Variants in INPP4A observed in about 807,000 individuals in gnomAD.
The protein encoded by INPP4A is inositol polyphosphate-4-phosphatase type I A.
A neutral mutation model predicts 119.8 loss-of-function variants in INPP4A; 33 were observed. The ratio of observed to expected loss-of-function variants is 0.28; its 90% CI spans 0.21 to 0.37. INPP4A has a LOEUF of 0.37. INPP4A is among the 10% of genes least tolerant of loss of function. The pLI is 1.00. For missense variants in INPP4A, 956 were observed against 1,289.9 expected, an observed-to-expected ratio of 0.74 and a Z score of 3.97; for synonymous variants, 496 against 500.7, an observed-to-expected ratio of 0.99 and a Z score of 0.12.
intron 3 of INPP4A, among the ~76,000 whole-genome samples, 155 bp from the exon 4 acceptor site, chr2:98,520,532 A>G (rs1686989069): frequency 6.6e-6 from 1 of 152,082 alleles, no homozygotes; most frequent in Non-Finnish European, 1.5e-5. Context: ...CTTCTTAGCA[A>G]TCTCAAAAAC....
chr2:98,572,772 C>T (rs1184282840), intron 22 of INPP4A, 43 bp from the exon 23 acceptor site: 3 of 1,417,908 alleles, frequency 2.1e-6, no homozygotes, highest in East Asian at 2.5e-5. Context: ...GGGGGAGTTC[C>T]TGGGTGCGTC....
intron 23 of INPP4A, among the ~76,000 whole-genome samples, chr2:98,576,359 G>C (rs1190134502): frequency 6.6e-6 from 1 of 152,208 alleles, no homozygotes. Flanking sequence ...GAGCCATTCA[G>C]TTGTGAGGAG....
chr2:98,449,728 A>C (rs1038709778), intron 1 of INPP4A, among the ~76,000 whole-genome samples: 20 of 152,168 alleles, frequency 1.3e-4, no homozygotes, highest in Admixed American at 3.9e-4. Context: ...TGTAAACATA[A>C]ATGTAGTCAC....
At chr2:98,458,903 G>A (rs903075458) in intron 1 of INPP4A, among the ~76,000 whole-genome samples, 2 of 152,202 alleles carry the variant, frequency 1.3e-5, no homozygotes, top group Admixed American at 6.5e-5. Context: ...TCAAAGCATG[G>A]CTGACTGTGG....
Position 98,546,556 on chromosome 2 carries a change from A to C in INPP4A, c.1055-30A>C. 6.5e-7 allele frequency: 1 copy of C among 1,529,274 alleles called. No homozygotes were observed. The highest frequency in any genetic ancestry group is 9.1e-7 in the Non-Finnish European group (1 of 1,103,658). 94.7% of individuals were successfully genotyped at this position (1,529,274 alleles called of 1,614,324 possible). The stretch of plus-strand genomic sequence containing the variant: ...GGCTTGTCCACAGGCCTGAGCCCAG[A>C]GTAATGGAGGAGAGCTTTCTGTCAT... On this transcript the variant is annotated intron_variant, in intron 12 of 24. Transcript: ENST00000409851. The surrounding 1 kb of genome is among the most constrained non-coding windows in gnomAD (Gnocchi z 4.2).
At chr2:98,467,216 C>A (rs1019389059) in intron 1 of INPP4A, among the ~76,000 whole-genome samples, 1 of 152,006 alleles carries the variant, frequency 6.6e-6, no homozygotes, top group Admixed American at 6.6e-5. Flanking sequence ...ACCCTCAAAG[C>A]GGGGGGTGGT....
In INPP4A at chr2:98,533,492, T is replaced by C; in HGVS notation, c.267T>C (p.Ile89=). Residue 89 remains isoleucine (I), a synonymous_variant, in exon 5 of 25, where the codon ATT becomes ATC. Transcript: ENST00000409851. ...CGAAGCATGCACAGACGGAGATCAT[T>C]GAGGTGGGTGCTGGTGGTCTCTCTC... is the stretch of plus-strand genomic sequence containing the variant. The part of the protein sequence containing the change: ...FWTKHAQTEI[I]EGTNNPIFLS... 2 of 1,589,224 alleles carry C rather than the reference T, an allele frequency of 1.3e-6. No individual in the cohort carries two copies. Among genetic ancestry groups the C allele is most frequent in the Non-Finnish European group, 1.7e-6 (2 of 1,157,558 alleles).
chr2:98,585,865 C>G (rs547803426), intron 24 of INPP4A, among the ~76,000 whole-genome samples: 1 of 152,316 alleles, frequency 6.6e-6, no homozygotes, highest in Admixed American at 6.5e-5. Flanking sequence ...TATTCTGCCT[C>G]GCTCCTCACG....
intron 24 of INPP4A, among the ~76,000 whole-genome samples, chr2:98,583,815 G>A (rs1043458785): frequency 6.6e-6 from 1 of 152,152 alleles, no homozygotes; most frequent in Non-Finnish European, 1.5e-5. Context: ...TTCTCATTCA[G>A]TATCAGCTCA....
chr2:98,448,163 C>T (rs942601867), intron 1 of INPP4A, among the ~76,000 whole-genome samples: 4 of 151,596 alleles, frequency 2.6e-5, no homozygotes, highest in Non-Finnish European at 5.9e-5. Flanking sequence ...TGAGACCAGC[C>T]TGGCCAACAT....
intron 1 of INPP4A, among the ~76,000 whole-genome samples, chr2:98,460,623 T>G (rs987777870): frequency 6.6e-6 from 1 of 152,222 alleles, no homozygotes; most frequent in Non-Finnish European, 1.5e-5. Context: ...ATGCCTGTGC[T>G]CTAACCACCA....
intron 4 of INPP4A, among the ~76,000 whole-genome samples, chr2:98,526,187 A>G (rs1227841223): frequency 6.6e-6 from 1 of 152,246 alleles, no homozygotes; most frequent in Non-Finnish European, 1.5e-5. Context: ...ATTCAAGAAC[A>G]GACAAAAGAA....
At position 98,543,862 on chromosome 2, in the gene INPP4A, G is replaced by A. The variant is rs778962301; in HGVS notation, c.819-15G>A. ...AGTTAGCCCACAGCCTGATGCATCT[G>A]TGTCTTGCTTTCAGAGTGTGTGAGC... On this transcript the variant is annotated splice_polypyrimidine_tract_variant and intron_variant, in intron 10 of 24. Coordinates refer to ENST00000409851, the MANE Select transcript of INPP4A (RefSeq NM_001134225.2). 68 of 1,613,294 alleles carry A rather than the reference G, an allele frequency of 4.2e-5. 1 individual carries two copies. The South Asian group carries it at 7.4e-4, about 17-fold the overall frequency.
intron 11 of INPP4A, 71 bp downstream of exon 11, chr2:98,544,078 C>G: frequency 7.3e-7 from 1 of 1,377,874 alleles, no homozygotes; most frequent in Non-Finnish European, 9.9e-7. Flanking sequence ...CACTCTCACT[C>G]AGTCACTCCC....
At chr2:98,584,826 T>C (rs375733125) in intron 24 of INPP4A, among the ~76,000 whole-genome samples, 3 of 152,272 alleles carry the variant, frequency 2.0e-5, no homozygotes, top group Admixed American at 2.0e-4. Flanking sequence ...TATGCTGAAT[T>C]TTAATGTCAC....
chr2:98,523,788 T>G (rs1394708287), intron 4 of INPP4A, among the ~76,000 whole-genome samples: 1 of 152,206 alleles, frequency 6.6e-6, no homozygotes, highest in Non-Finnish European at 1.5e-5. Flanking sequence ...TTTAAAAAAG[T>G]ATGTTCATTG....
chr2:98,545,881 G>A (rs1271707547), intron 11 of INPP4A, 88 bp from the exon 12 acceptor site: 3 of 891,740 alleles, frequency 3.4e-6, no homozygotes, highest in South Asian at 3.5e-5. Flanking sequence ...ATATGCCACA[G>A]CATCCTCTGA....
intron 24 of INPP4A, among the ~76,000 whole-genome samples, chr2:98,582,686 C>T (rs910721676): frequency 1.2e-4 from 18 of 149,564 alleles, no homozygotes; most frequent in African/African-American, 2.5e-4. Context: ...CTGCTGCATA[C>T]GCCAGACACA....
chr2:98,572,400 A>T (rs2106431064), intron 22 of INPP4A, among the ~76,000 whole-genome samples: 1 of 152,310 alleles, frequency 6.6e-6, no homozygotes, highest in African/African-American at 2.4e-5. Context: ...ATCCCTCCCA[A>T]GGTTTCCAGG....
Sources: allele counts gnomAD v4.1 joint callset (sites outside exome capture counted in the v4.1 genomes callset), GRCh38; gene constraint gnomAD v4.1.1; non-coding constraint Gnocchi (gnomAD v3.1); transcripts MANE v1.5; gene names NCBI Gene and HGNC (gene_info 2026-07-23, HGNC 2026-07-21).